Variants in PLPPR1 observed in about 807,000 individuals in gnomAD.
The protein encoded by PLPPR1 is phospholipid phosphatase related 1, also known as phospholipid phosphatase-related protein type 1.
In PLPPR1, 10 loss-of-function variants were observed where a neutral mutation model predicts 33.1. The observed-to-expected ratio is 0.30, with a 90% confidence interval of 0.19 to 0.51. The LOEUF (loss-of-function observed/expected upper bound fraction) is 0.51. Ranked by LOEUF, PLPPR1 falls within the 20% of genes least tolerant of loss-of-function variation. The pLI is 0.97. For missense variants in PLPPR1, 304 were observed against 408.1 expected (o/e 0.74, Z 2.20); for synonymous variants, 151 against 151.0 (o/e 1.00, Z 0.00).
chr9:101,102,138 C>CTT (rs201534396), intron 1 of PLPPR1, among the ~76,000 whole-genome samples: 3 of 55,576 alleles, frequency 5.4e-5, no homozygotes, highest in Admixed American at 1.7e-4. Flanking sequence ...TAGCTTTATT[C>CTT]TTTTTTTTTT....
intron 2 of PLPPR1, among the ~76,000 whole-genome samples, chr9:101,256,422 G>A (rs984436468): frequency 6.7e-6 from 1 of 149,860 alleles, no homozygotes; most frequent in Admixed American, 6.6e-5. Context: ...TGACTGCATT[G>A]AAGAAGAACT....
intron 1 of PLPPR1, among the ~76,000 whole-genome samples, chr9:101,068,096 A>G (rs1052255574): frequency 6.6e-6 from 1 of 152,138 alleles, no homozygotes; most frequent in African/African-American, 2.4e-5. Flanking sequence ...CACTATTATA[A>G]GGGCAATAAT....
At chr9:101,280,235 C>T (rs1828273798) in intron 3 of PLPPR1, among the ~76,000 whole-genome samples, 1 of 151,960 alleles carries the variant, frequency 6.6e-6, no homozygotes, top group South Asian at 2.1e-4. Flanking sequence ...AAGATTGAGC[C>T]ATGAGGAAAT....
chr9:101,312,421 GGTTT>G (rs1230862325), intron 5 of PLPPR1, among the ~76,000 whole-genome samples: 7 of 152,066 alleles, frequency 4.6e-5, no homozygotes, highest in African/African-American at 1.7e-4. Context: ...TCCCATAGAA[GGTTT>G]ATTTGGTATC....
At chr9:101,319,324 G>A (rs768199808) in intron 7 of PLPPR1, among the ~76,000 whole-genome samples, 8 of 152,176 alleles carry the variant, frequency 5.3e-5, no homozygotes, top group Non-Finnish European at 7.4e-5. Flanking sequence ...CTACAGGCAC[G>A]CGCCACCACG....
At chr9:101,101,898 T>G (rs1329082) in intron 1 of PLPPR1, among the ~76,000 whole-genome samples, 106,603 of 151,960 alleles carry the variant, frequency 0.7, 37,537 homozygotes, top group East Asian at 0.89. Flanking sequence ...TTAAAGCCAG[T>G]CTAGAAGCCC....
chr9:101,106,343 G>T (rs911187669), intron 1 of PLPPR1, among the ~76,000 whole-genome samples: 2 of 124,410 alleles, frequency 1.6e-5, no homozygotes, highest in East Asian at 2.8e-4. Flanking sequence ...GGGCAGGCCT[G>T]GTGGTGACAA....
rs574062485 is a variant in PLPPR1 at position 101,152,438 on chromosome 9, G to A, written c.-45-33012G>A. ...TTTGTCAATTTTGGCTTTTGTTGCC[G>A]TTGCTTTTGGTGTTTTAGACATGAA... On this transcript the variant is annotated intron_variant, in intron 1 of 7. Coordinates refer to ENST00000374874, the MANE Select transcript of PLPPR1 (RefSeq NM_207299.2). Among the ~76,000 whole-genome samples, 671 of 152,194 alleles carry A rather than the reference G, an allele frequency of 4.4e-3. 5 individuals carry two copies. The highest frequency in any genetic ancestry group is 0.015 in the African/African-American group (617 of 41,548).
At chr9:101,110,478 C>T (rs1831042425) in intron 1 of PLPPR1, among the ~76,000 whole-genome samples, 1 of 152,052 alleles carries the variant, frequency 6.6e-6, no homozygotes, top group African/African-American at 2.4e-5. Flanking sequence ...CACAAATTTG[C>T]AAAATACACG....
At chr9:101,284,051 C>T (rs994623557) in intron 3 of PLPPR1, among the ~76,000 whole-genome samples, 3 of 150,138 alleles carry the variant, frequency 2.0e-5, no homozygotes, top group Admixed American at 6.8e-5. Context: ...GTACAGCCAT[C>T]GTATAGGAAT....
chr9:101,246,887 T>C lies in PLPPR1; in HGVS notation c.64-22993T>C, dbSNP rs75273857. The stretch of plus-strand genomic sequence containing the variant: ...TTTGCTGTCACCTGCATGACTCAGC[T>C]CTCTTCTATGAATCTTTCACATCCT... On this transcript the variant is annotated intron_variant, in intron 2 of 7. Coordinates refer to ENST00000374874, the MANE Select transcript of PLPPR1 (RefSeq NM_207299.2). 6.3e-3 allele frequency among the ~76,000 whole-genome samples: 952 copies of C among 152,110 alleles called. 8 individuals are homozygous for C. Among genetic ancestry groups the C allele is most frequent in the African/African-American group, 0.022 (907 of 41,534 alleles).
chr9:101,131,688 T>A (rs1236882484), intron 1 of PLPPR1: 1 of 152,206 alleles, frequency 6.6e-6, no homozygotes, highest in Admixed American at 6.5e-5. Flanking sequence ...CCACAGAGTC[T>A]GAGAAAGGTA....
chr9:101,204,747 C>T (rs1826557858), intron 2 of PLPPR1, among the ~76,000 whole-genome samples: 1 of 150,538 alleles, frequency 6.6e-6, no homozygotes, highest in African/African-American at 2.4e-5. Flanking sequence ...TCCCAAAAGA[C>T]CTGCCAGTCA....
At chr9:101,244,891 A>G (rs1588092853) in intron 2 of PLPPR1, among the ~76,000 whole-genome samples, 1 of 152,166 alleles carries the variant, frequency 6.6e-6, no homozygotes, top group South Asian at 2.1e-4. Context: ...TAGAATGCAA[A>G]AAAACACATA....
intron 4 of PLPPR1, among the ~76,000 whole-genome samples, chr9:101,290,540 A>T (rs6479047): frequency 0.17 from 25,617 of 152,216 alleles, 2,937 homozygotes; most frequent in African/African-American, 0.32. Flanking sequence ...TTGACAGTGT[A>T]TTTCAATAAC....
chr9:101,322,753 G>C (rs1829179387), intron 7 of PLPPR1, among the ~76,000 whole-genome samples: 1 of 152,140 alleles, frequency 6.6e-6, no homozygotes, highest in African/African-American at 2.4e-5. Context: ...TCAGTCACAG[G>C]AGATTGTAAT....
chr9:101,236,626 C>T lies in PLPPR1; in HGVS notation c.64-33254C>T, dbSNP rs532927863. On this transcript the variant is annotated intron_variant, in intron 2 of 7. Transcript: ENST00000374874. Reference sequence around the variant, plus strand: ...ATCTTTTTTTTCCTTTTTTAGTTAACGTGTAATAACTGTACATATCTATGG... The same window carrying T: ...ATCTTTTTTTTCCTTTTTTAGTTAATGTGTAATAACTGTACATATCTATGG... 8.6e-5 allele frequency among the ~76,000 whole-genome samples: 13 copies of T among 150,840 alleles called. 2 individuals are homozygous for T. In the South Asian group the frequency reaches 2.5e-3, roughly 29 times the overall value.
At chr9:101,055,492 T>A (rs1006342665) in intron 1 of PLPPR1, among the ~76,000 whole-genome samples, 1 of 152,248 alleles carries the variant, frequency 6.6e-6, no homozygotes, top group Admixed American at 6.5e-5. Context: ...CCTTAGCGAA[T>A]TGGATTAGAC....
chr9:101,093,056 G>A (rs921234088), intron 1 of PLPPR1, among the ~76,000 whole-genome samples: 45 of 152,238 alleles, frequency 3.0e-4, no homozygotes, highest in African/African-American at 1.0e-3. Flanking sequence ...TACTGCTACC[G>A]AGCCTATGGT....
Sources: allele counts gnomAD v4.1 joint callset (sites outside exome capture counted in the v4.1 genomes callset), GRCh38; gene constraint gnomAD v4.1.1; transcripts MANE v1.5; gene names NCBI Gene and HGNC (gene_info 2026-07-23, HGNC 2026-07-21).